Variants in DOCK7 observed in about 807,000 individuals in gnomAD.
DOCK7 encodes the protein dedicator of cytokinesis 7.
DOCK7 carries 138 observed loss-of-function variants against 271.0 expected under a neutral mutation model. The observed-to-expected ratio is 0.51, with a 90% CI of 0.44 to 0.59. The LOEUF is 0.59. DOCK7 is among the 20% of genes least tolerant of loss of function. DOCK7 has a pLI of 0.00. For missense variants in DOCK7, 2,066 were observed against 2,592.4 expected (o/e 0.80, Z 4.41); for synonymous variants, 823 against 876.1 (o/e 0.94, Z 1.07).
chr1:62,646,062 G>A (rs562173054), intron 7 of DOCK7, among the ~76,000 whole-genome samples: 48 of 151,474 alleles, frequency 3.2e-4, no homozygotes, highest in African/African-American at 1.1e-3. Context: ...CAGGAGAATC[G>A]CTTGAACCCG....
Position 62,578,859 on chromosome 1 carries a change from T to C in DOCK7, c.1979A>G (p.Asn660Ser), listed in dbSNP as rs1313541793. 10 of 1,607,556 alleles carry C rather than the reference T, an allele frequency of 6.2e-6. No individual in the cohort carries two copies. Among genetic ancestry groups the C allele is most frequent in the African/African-American group, 1.3e-5 (1 of 74,522 alleles). ...TCCAACTGGTGTTTCAAGAGGAGTA[T>C]TTTGTTTTTGTTGACAACTAACATG... ...FYHVSCQQKQ[N>S]TPLETPVGYT... is the part of the protein sequence containing the mutation. The change falls in exon 17 of 50, where the codon AAT (asparagine) becomes AGT (serine). Residue 660 changes from asparagine to serine, a missense_variant. Asn to Ser is a conservative substitution (Grantham distance 46). This residue lies in a region of DOCK7 where 1,414 missense variants were observed against 1,670.4 expected (regional missense o/e 0.85). Transcript: ENST00000635253.
chr1:62,548,604 A>G (rs1645791132), intron 22 of DOCK7, among the ~76,000 whole-genome samples: 1 of 152,054 alleles, frequency 6.6e-6, no homozygotes. Context: ...TATTTTTAGT[A>G]GAGACGGGGT....
intron 41 of DOCK7, among the ~76,000 whole-genome samples, chr1:62,489,767 G>A (rs1646405422): frequency 6.6e-6 from 1 of 152,064 alleles, no homozygotes; most frequent in Non-Finnish European, 1.5e-5. Context: ...AACTAATTCT[G>A]AGCAGAAGAA....
chr1:62,464,448 G>A (rs1355365766), intron 48 of DOCK7, among the ~76,000 whole-genome samples: 1 of 151,206 alleles, frequency 6.6e-6, no homozygotes, highest in Non-Finnish European at 1.5e-5. Context: ...TTGGGAGGCT[G>A]AGGCAGGTGG....
intron 28 of DOCK7, among the ~76,000 whole-genome samples, chr1:62,536,244 AATAAGAAT>A (rs1645343015): frequency 1.3e-5 from 2 of 152,288 alleles, no homozygotes; most frequent in Non-Finnish European, 1.5e-5. Flanking sequence ...ATCTTCTCCT[AATAAGAAT>A]ATAAAACTCT....
intron 14 of DOCK7, chr1:62,602,219 A>C: frequency 7.8e-7 from 1 of 1,286,388 alleles, no homozygotes. Flanking sequence ...AACAAACAAA[A>C]AAGTGTTATT....
intron 14 of DOCK7, among the ~76,000 whole-genome samples, chr1:62,596,840 G>C (rs1649327681): frequency 6.6e-6 from 1 of 152,022 alleles, no homozygotes; most frequent in Non-Finnish European, 1.5e-5. Context: ...AAAGAGCCTA[G>C]AACACAGAGA....
rs190248845 is a variant in DOCK7, at chr1:62,562,372, G to A, written c.2113-669C>T. Among the ~76,000 whole-genome samples the A allele has an allele frequency of 7.3e-5, 11 of 150,794 alleles. No individual in the cohort carries two copies. The East Asian group carries it at 1.4e-3, about 19-fold the overall frequency. On this transcript the variant is annotated intron_variant, in intron 18 of 49. Coordinates refer to ENST00000635253, the MANE Select transcript of DOCK7 (RefSeq NM_001367561.1). Reference sequence around the variant, plus strand: ...TCAGCCTCCCGAATAACTGGGACACGCCCAGCTAATTTTTGTATTTTTAGT... The same window carrying A: ...TCAGCCTCCCGAATAACTGGGACACACCCAGCTAATTTTTGTATTTTTAGT...
intron 1 of DOCK7, among the ~76,000 whole-genome samples, chr1:62,678,824 A>C (rs2149766709): frequency 6.6e-6 from 1 of 152,296 alleles, no homozygotes; most frequent in African/African-American, 2.4e-5. Context: ...GAGATCCCAG[A>C]AAAAGACCCA....
At chr1:62,532,144 C>A (rs1177182769) in intron 29 of DOCK7, among the ~76,000 whole-genome samples, 2 of 152,312 alleles carry the variant, frequency 1.3e-5, no homozygotes, top group Non-Finnish European at 2.9e-5. Context: ...AAGTGATTCT[C>A]ATGCCTCAGC....
chr1:62,513,541 C>T lies in DOCK7; in HGVS notation c.4185G>A (p.Lys1395=). The part of the protein sequence containing the change: ...TFKKSKDMRA[K]LEEAILGSIG... ...TGCTCCCAAGAATAGCTTCTTCAAG[C>T]TTTGCTCTCATGTCTTTTGATTTCT... Residue 1395 remains lysine, a synonymous_variant, in exon 33 of 50, where the codon AAG becomes AAA. Transcript: ENST00000635253. The T allele has an allele frequency of 6.2e-7, 1 of 1,614,122 alleles. No homozygotes were observed. The highest frequency in any genetic ancestry group is 1.1e-5 in the South Asian group (1 of 91,076).
In DOCK7 at chr1:62,663,100, G is replaced by A; in HGVS notation, c.69C>T (p.Ile23=). The stretch of plus-strand genomic sequence containing the variant: ...GGGGAGAACCACTATATTGTCCGGA[G>A]ATCTGCTTCCTAACTTCGGCTGCCA... ...RTVAAEVRKQ[I]SGQYSGSPQL... The change falls in exon 2 of 50, where the codon ATC becomes ATT. Residue 23 remains isoleucine, a synonymous_variant. Transcript: ENST00000635253. 1 of 1,611,888 alleles carries A rather than the reference G, an allele frequency of 6.2e-7. No homozygotes were observed. Among genetic ancestry groups the A allele is most frequent in the Non-Finnish European group, 8.5e-7 (1 of 1,179,224 alleles).
intron 28 of DOCK7, among the ~76,000 whole-genome samples, chr1:62,536,183 CAT>C (rs1445983158): frequency 6.6e-6 from 1 of 152,060 alleles, no homozygotes; most frequent in African/African-American, 2.4e-5. Context: ...ATTCAGGACT[CAT>C]GTGGGGTTTC....
intron 18 of DOCK7, among the ~76,000 whole-genome samples, chr1:62,565,558 T>C (rs1269716935): frequency 6.6e-6 from 1 of 152,078 alleles, no homozygotes; most frequent in African/African-American, 2.4e-5. Flanking sequence ...ATGGAACATA[T>C]CTCAAAATAA....
chr1:62,458,275 G>T (rs909791572), intron 48 of DOCK7: 2 of 152,152 alleles, frequency 1.3e-5, no homozygotes, highest in Non-Finnish European at 2.9e-5. Context: ...ACCATGATGA[G>T]GACATTTAGT....
In DOCK7 at chr1:62,528,249, C is replaced by T. The variant is rs1364706877; in HGVS notation, c.3838G>A (p.Glu1280Lys). The T allele has an allele frequency of 2.5e-6, 4 of 1,613,708 alleles. No individual in the cohort carries two copies. The highest frequency in any genetic ancestry group is 3.4e-6 in the Non-Finnish European group (4 of 1,179,806). ...GTCTGGCTTATCATACTTCCGCTCT[C>T]ACTTTCATAATCATCAGTGGCTATA... is the stretch of plus-strand genomic sequence containing the variant. ...ICIATDDYES[E>K]SGSMISQTVA... Residue 1280 changes from glutamate (E) to lysine (K), a missense_variant, in exon 31 of 50, where the codon GAG becomes AAG. Glu to Lys is a moderately conservative substitution (Grantham distance 56, BLOSUM62 1). Transcript: ENST00000635253.
At chr1:62,512,834 G>A (rs549313719) in intron 33 of DOCK7, among the ~76,000 whole-genome samples, 5 of 151,882 alleles carry the variant, frequency 3.3e-5, no homozygotes, top group South Asian at 4.2e-4. Flanking sequence ...TTGCTTGGGC[G>A]AGGGAGGTCA....
At chr1:62,636,649 TACAC>T in intron 7 of DOCK7, 46 bp from the exon 8 acceptor site, 4 of 1,455,964 alleles carry the variant, frequency 2.7e-6, no homozygotes, top group Non-Finnish European at 3.8e-6. Context: ...AAACATGAAA[TACAC>T]AGTTGGAGAG....
At chr1:62,548,667 T>C (rs1016109879) in intron 22 of DOCK7, among the ~76,000 whole-genome samples, 3 of 152,152 alleles carry the variant, frequency 2.0e-5, no homozygotes, top group Admixed American at 1.3e-4. Context: ...GTGATCCACC[T>C]GCCTCAGCCT....
Sources: allele counts gnomAD v4.1 joint callset (sites outside exome capture counted in the v4.1 genomes callset), GRCh38; gene constraint gnomAD v4.1.1; regional missense constraint gnomAD v4.1.1; transcripts MANE v1.5; gene names NCBI Gene and HGNC (gene_info 2026-07-23, HGNC 2026-07-21).